Variants in SMYD3 observed in about 807,000 individuals in gnomAD.
SMYD3 encodes the protein histone-lysine N-methyltransferase SMYD3.
A neutral mutation model predicts 57.7 loss-of-function variants in SMYD3; 36 were observed. The ratio of observed to expected loss-of-function variants is 0.62; its 90% CI spans 0.48 to 0.82. The LOEUF (loss-of-function observed/expected upper bound fraction) is 0.82. SMYD3 is among the 40% of genes least tolerant of loss of function. SMYD3 has a pLI of 0.00. For missense variants in SMYD3, 515 were observed against 538.8 expected (o/e 0.96, Z 0.44); for synonymous variants, 211 against 195.0 (o/e 1.08, Z -0.68).
rs374235252 is a variant in SMYD3 at position 246,434,525 on chromosome 1, C to T, written c.164+72529G>A. 3.4e-4 allele frequency among the ~76,000 whole-genome samples: 51 copies of T among 152,216 alleles called. No individual in the cohort carries two copies. The East Asian group carries it at 7.3e-3, about 22-fold the overall frequency. ...CACTTCTCAAATGAAGACACACAAG[C>T]GGCAGACAAACATGAAAAAATGTTC... is the stretch of plus-strand genomic sequence containing the variant. On this transcript the variant is annotated intron_variant, in intron 1 of 11. Coordinates refer to ENST00000490107, the MANE Select transcript of SMYD3 (RefSeq NM_001167740.2).
At chr1:245,952,669 T>C (rs2057697379) in intron 5 of SMYD3, among the ~76,000 whole-genome samples, 1 of 152,198 alleles carries the variant, frequency 6.6e-6, no homozygotes. Flanking sequence ...TGTACCCTAC[T>C]CTTAGCAGGT....
intron 1 of SMYD3, among the ~76,000 whole-genome samples, chr1:246,465,163 T>C (rs751465330): frequency 6.6e-6 from 1 of 152,212 alleles, no homozygotes; most frequent in East Asian, 1.9e-4. Context: ...TTCCAGATGC[T>C]ACTATCCTTC....
chr1:245,858,465 C>T (rs370723583), intron 10 of SMYD3, 31 bp downstream of exon 10: 1 of 1,599,168 alleles, frequency 6.3e-7, no homozygotes, highest in African/African-American at 1.3e-5. Context: ...GACGTCCTAG[C>T]CCTTATGTCA....
intron 8 of SMYD3, among the ~76,000 whole-genome samples, chr1:245,910,251 G>A (rs2054871209): frequency 1.3e-5 from 2 of 152,020 alleles, no homozygotes; most frequent in Admixed American, 1.3e-4. Context: ...CTTAATAAAA[G>A]TGAGATCTCT....
At chr1:245,793,132 ACCCCGTCT>A (rs2047362653) in intron 10 of SMYD3, among the ~76,000 whole-genome samples, 2 of 146,714 alleles carry the variant, frequency 1.4e-5, no homozygotes, top group Admixed American at 1.4e-4. Flanking sequence ...ACACGGTGAA[ACCCCGTCT>A]CTACTAAAAA....
chr1:245,991,161 C>G lies in SMYD3; in HGVS notation c.532-61224G>C, dbSNP rs556946923. Among the ~76,000 whole-genome samples, 6 of 152,266 alleles carry G rather than the reference C, an allele frequency of 3.9e-5. No individual in the cohort carries two copies. The South Asian group carries it at 1.2e-3, about 32-fold the overall frequency. The stretch of plus-strand genomic sequence containing the variant: ...TTCTTTCCTATATGTGGAAAAAATG[C>G]ACTTATTCATTAATTCAACACATAA... On this transcript the variant is annotated intron_variant, in intron 5 of 11. Transcript: ENST00000490107.
intron 5 of SMYD3, among the ~76,000 whole-genome samples, chr1:246,190,846 C>A (rs2062725793): frequency 2.0e-5 from 3 of 151,976 alleles, no homozygotes; most frequent in Admixed American, 1.3e-4. Context: ...GGGGCCCCAA[C>A]ATCAAAGTAG....
intron 5 of SMYD3, among the ~76,000 whole-genome samples, chr1:246,068,458 G>C (rs1043707853): frequency 1.3e-5 from 2 of 152,160 alleles, no homozygotes; most frequent in African/African-American, 4.8e-5. Context: ...CAGAAGTAAT[G>C]ATGATCTAAA....
At chr1:246,451,124 G>C (rs1488582080) in intron 1 of SMYD3, among the ~76,000 whole-genome samples, 1 of 152,210 alleles carries the variant, frequency 6.6e-6, no homozygotes, top group Non-Finnish European at 1.5e-5. Flanking sequence ...TGTCTGTGTT[G>C]ATCACTGCTG....
chr1:245,940,194 T>C (rs963108390), intron 5 of SMYD3, among the ~76,000 whole-genome samples: 3 of 152,176 alleles, frequency 2.0e-5, no homozygotes, highest in Non-Finnish European at 2.9e-5. Context: ...GCAGACTTAG[T>C]CTTTCCTGCC....
chr1:245,932,024 A>T (rs977095137), intron 5 of SMYD3, among the ~76,000 whole-genome samples: 1 of 152,228 alleles, frequency 6.6e-6, no homozygotes, highest in Admixed American at 6.5e-5. Flanking sequence ...GTAAAAATAT[A>T]AGACAGAAAG....
At chr1:246,001,749 A>C (rs1336793522) in intron 5 of SMYD3, among the ~76,000 whole-genome samples, 2 of 152,204 alleles carry the variant, frequency 1.3e-5, no homozygotes, top group Non-Finnish European at 2.9e-5. Context: ...AATTTTCAGA[A>C]TTGCAGACCC....
In SMYD3 at chr1:245,764,046, T is replaced by C; in HGVS notation, c.1180A>G (p.Arg394Gly). ...TGAGATCTTGGCACACTCACCAGTC[T>C]CAGATTCTTCATTGCTTGGGGAAAC... ...GMFPQAMKNL[R>G]LAFDIMRVTH... Residue 394 changes from arginine (R) to glycine (G), a missense_variant, in exon 11 of 12, where the codon AGA becomes GGA. By Grantham distance (125) the Arg-to-Gly change is moderately radical. Transcript: ENST00000490107. 1 of 1,612,340 alleles carries C rather than the reference T, an allele frequency of 6.2e-7. No homozygotes were observed. Among genetic ancestry groups the C allele is most frequent in the African/African-American group, 1.3e-5 (1 of 74,986 alleles).
intron 1 of SMYD3, among the ~76,000 whole-genome samples, chr1:246,444,415 C>T (rs749769066): frequency 1.3e-5 from 2 of 152,056 alleles, no homozygotes; most frequent in East Asian, 1.9e-4. Flanking sequence ...TGAGCCATCG[C>T]GCCCAGCCCC....
chr1:246,328,478 A>G (rs1366545996), intron 4 of SMYD3, among the ~76,000 whole-genome samples: 1 of 152,178 alleles, frequency 6.6e-6, no homozygotes, highest in East Asian at 1.9e-4. Context: ...TAGCAGTAAT[A>G]TAACAAGAAA....
intron 5 of SMYD3, among the ~76,000 whole-genome samples, chr1:246,312,596 C>T (rs375447252): frequency 2.0e-5 from 3 of 151,844 alleles, no homozygotes; most frequent in East Asian, 1.9e-4. Flanking sequence ...GTATGCTGTG[C>T]GGAAGAAAAG....
At chr1:246,027,150 G>C (rs1407712907) in intron 5 of SMYD3, among the ~76,000 whole-genome samples, 2 of 152,204 alleles carry the variant, frequency 1.3e-5, no homozygotes, top group Non-Finnish European at 2.9e-5. Context: ...TGAGAGAGGT[G>C]AGAAACGACA....
intron 11 of SMYD3, among the ~76,000 whole-genome samples, chr1:245,757,982 T>A (rs753219421): frequency 2.0e-5 from 3 of 152,194 alleles, no homozygotes; most frequent in South Asian, 2.1e-4. Context: ...GGGATTTTGA[T>A]AGAGATTGCA....
chr1:245,823,540 A>G (rs1166669521), intron 10 of SMYD3, among the ~76,000 whole-genome samples: 1 of 152,214 alleles, frequency 6.6e-6, no homozygotes, highest in Admixed American at 6.5e-5. Flanking sequence ...ATTCATGTCA[A>G]CAGTCTCAGC....
Sources: gnomAD v4.1 joint callset for allele counts (sites outside exome capture counted in the v4.1 genomes callset) on GRCh38, gnomAD v4.1.1 for gene constraint, MANE v1.5 for transcripts, NCBI Gene and HGNC (gene_info 2026-07-23, HGNC 2026-07-21) for gene names.